RTN3: variants seen among roughly 807,000 people sequenced by gnomAD.
RTN3 encodes reticulon-3.
A neutral mutation model predicts 77.8 loss-of-function variants in RTN3; 49 were observed. The ratio of observed to expected loss-of-function variants is 0.63; its 90% CI spans 0.50 to 0.80. RTN3 has a LOEUF of 0.80. Ranked by LOEUF, RTN3 falls within the 30% of genes least tolerant of loss-of-function variation. The pLI is 0.00. For synonymous variants in RTN3, 464 were observed against 446.9 expected (o/e 1.04, Z -0.48); for missense variants, 1,236 against 1,211.9 (o/e 1.02, Z -0.29).
intron 3 of RTN3, among the ~76,000 whole-genome samples, chr11:63,733,189 C>G (rs1230658814): frequency 6.6e-6 from 1 of 151,940 alleles, no homozygotes; most frequent in African/African-American, 2.4e-5. Context: ...CACAGTGGCT[C>G]ACGCCTGTAA....
chr11:63,753,628 T>TA lies in RTN3; in HGVS notation c.2948-33dup, dbSNP rs779530819. On this transcript the variant is annotated intron_variant, in intron 6 of 8. Transcript: ENST00000377819. ...TCTTAAGATGTGACTGTCTCTCATA[T>TA]ACACTTGCCATGTCCCATGATTCTG... The TA allele has an allele frequency of 7.1e-5, 114 of 1,601,354 alleles. No homozygotes were observed. The Admixed American group carries it at 1.8e-3, about 25-fold the overall frequency.
intron 2 of RTN3, among the ~76,000 whole-genome samples, chr11:63,707,186 A>T (rs1942535818): frequency 6.6e-6 from 1 of 152,204 alleles, no homozygotes; most frequent in Non-Finnish European, 1.5e-5. Context: ...GGCATGAGTC[A>T]CGTCGCCAGG....
intron 1 of RTN3, among the ~76,000 whole-genome samples, chr11:63,687,608 T>TAA (rs35057519): frequency 8.2e-5 from 11 of 134,528 alleles, no homozygotes; most frequent in African/African-American, 1.1e-4. Flanking sequence ...AGACTCCATC[T>TAA]AAAAAAAAAA....
chr11:63,723,022 T>A (rs908755316), intron 3 of RTN3, among the ~76,000 whole-genome samples: 3 of 152,256 alleles, frequency 2.0e-5, no homozygotes, highest in African/African-American at 7.2e-5. Context: ...TGGTTCAGCA[T>A]CTTCCTTTGT....
At chr11:63,686,812 C>CT (rs1941399858) in intron 1 of RTN3, among the ~76,000 whole-genome samples, 1 of 151,970 alleles carries the variant, frequency 6.6e-6, no homozygotes, top group African/African-American at 2.4e-5. Context: ...GCCTGGGTGA[C>CT]TGAGCCAGAA....
chr11:63,710,532 G>A (rs1402229973), intron 2 of RTN3, among the ~76,000 whole-genome samples: 3 of 152,242 alleles, frequency 2.0e-5, no homozygotes, highest in Admixed American at 2.0e-4. Flanking sequence ...GTATATGGAA[G>A]TGTTTAAAGT....
chr11:63,717,916 G>A (rs2011497619), intron 2 of RTN3, among the ~76,000 whole-genome samples: 1 of 151,642 alleles, frequency 6.6e-6, no homozygotes, highest in African/African-American at 2.4e-5. Flanking sequence ...TTGAGAGGCT[G>A]AGGCAGGAGA....
rs1590832854 is a variant in RTN3 at position 63,719,481 on chromosome 11, A to G, written c.979A>G (p.Arg327Gly). The G allele has an allele frequency of 6.2e-7, 1 of 1,614,234 alleles. No individual in the cohort carries two copies. Among genetic ancestry groups the G allele is most frequent in the Non-Finnish European group, 8.5e-7 (1 of 1,180,028 alleles). The change falls in exon 3 of 9, where the codon AGA (arginine) becomes GGA (glycine). Residue 327 changes from arginine to glycine, a missense_variant. Arg to Gly is a moderately radical substitution (Grantham distance 125). This residue lies in a region of RTN3 where 1,056 missense variants were observed against 990.4 expected (regional missense o/e 1.07). Coordinates refer to ENST00000377819, the MANE Select transcript of RTN3 (RefSeq NM_001265589.2). ...AAATGCAGCACTGGAAGAGGTGTCC[A>G]GATGCGTGAATGATATGCATAACTT... is the stretch of plus-strand genomic sequence containing the variant. ...HTNAALEEVS[R>G]CVNDMHNFTN...
chr11:63,750,770 C>T (rs528745986), intron 4 of RTN3, among the ~76,000 whole-genome samples: 2 of 148,280 alleles, frequency 1.3e-5, no homozygotes, highest in Non-Finnish European at 3.0e-5. Context: ...CTCACTCTGT[C>T]GCCCAGGCTG....
intron 3 of RTN3, among the ~76,000 whole-genome samples, chr11:63,721,703 A>G (rs1028547031): frequency 1.3e-5 from 2 of 152,008 alleles, no homozygotes; most frequent in African/African-American, 4.8e-5. Context: ...TTACTTATTT[A>G]CAAAGCTTGT....
At chr11:63,704,996 T>C (rs1942429266) in intron 2 of RTN3, 89 bp downstream of exon 2, 1 of 940,418 alleles carries the variant, frequency 1.1e-6, no homozygotes, top group African/African-American at 1.6e-5. Flanking sequence ...AAGTCTTCTA[T>C]TGCCCCAAAT....
At chr11:63,681,493 G>A (rs1941029505), upstream of RTN3, 4 of 839,940 alleles carry the variant, frequency 4.8e-6, no homozygotes, top group Non-Finnish European at 6.8e-6. Context: ...GCTCGGCTGA[G>A]TCAGTCAGTC....
At chr11:63,694,456 G>A (rs1941829858) in intron 1 of RTN3, among the ~76,000 whole-genome samples, 1 of 152,046 alleles carries the variant, frequency 6.6e-6, no homozygotes, top group African/African-American at 2.4e-5. Context: ...GATTACAGGT[G>A]TGAGCCACTG....
In RTN3 at chr11:63,719,042, A is replaced by C. The variant is rs751764387; in HGVS notation, c.540A>C (p.Ile180=). Residue 180 remains isoleucine (I), a synonymous_variant, in exon 3 of 9, where the codon ATA becomes ATC. Transcript: ENST00000377819. ...AAATTGGTCAAGTGGAAGAGCAAAT[A>C]GATAAAGAGACCAAGAACCCAAATG... ...SKKIGQVEEQ[I]DKETKNPNGV... 2.5e-6 allele frequency: 4 copies of C among 1,614,208 alleles called. No individual in the cohort carries two copies. In the Admixed American group the frequency reaches 6.7e-5, roughly 27 times the overall value.
rs755506527 is a variant in RTN3, at chr11:63,725,122, G to A, written c.2530+4090G>A. Among the ~76,000 whole-genome samples the A allele has an allele frequency of 3.3e-5, 5 of 151,904 alleles. No individual in the cohort carries two copies. The South Asian group carries it at 8.3e-4, about 25-fold the overall frequency. On this transcript the variant is annotated intron_variant, in intron 3 of 8. Transcript: ENST00000377819. Reference sequence around the variant, plus strand: ...GACTCTTTGATTACCACCTGGCCACGCCCTCCATCTCCCCTTCCCCAGACG... The same window carrying A: ...GACTCTTTGATTACCACCTGGCCACACCCTCCATCTCCCCTTCCCCAGACG...
intron 3 of RTN3, among the ~76,000 whole-genome samples, chr11:63,733,943 C>T (rs916330270): frequency 5.9e-5 from 9 of 151,948 alleles, no homozygotes; most frequent in Non-Finnish European, 1.2e-4. Context: ...TATATACACA[C>T]AGACACACAT....
At chr11:63,695,212 A>G (rs1003537329) in intron 1 of RTN3, among the ~76,000 whole-genome samples, 1 of 152,236 alleles carries the variant, frequency 6.6e-6, no homozygotes, top group Non-Finnish European at 1.5e-5. Context: ...GCTTCCAATC[A>G]GTTTGTAATT....
chr11:63,724,369 C>CA (rs1203863056), intron 3 of RTN3, among the ~76,000 whole-genome samples: 1 of 141,396 alleles, frequency 7.1e-6, no homozygotes, highest in Non-Finnish European at 1.5e-5. Context: ...TTTTTTAGTA[C>CA]AGACGGGGTT....
intron 2 of RTN3, among the ~76,000 whole-genome samples, chr11:63,707,127 A>G (rs1942532898): frequency 1.3e-5 from 2 of 151,970 alleles, no homozygotes; most frequent in Non-Finnish European, 2.9e-5. Context: ...TCAAACTCCT[A>G]AACTCAAGTG....
Sources: gnomAD v4.1 joint callset for allele counts (sites outside exome capture counted in the v4.1 genomes callset) on GRCh38, gnomAD v4.1.1 for gene constraint, gnomAD v4.1.1 regional missense constraint, MANE v1.5 for transcripts, NCBI Gene and HGNC (gene_info 2026-07-23, HGNC 2026-07-21) for gene names.